Variants in MTHFD2L observed in about 807,000 individuals in gnomAD.
MTHFD2L encodes methylenetetrahydrofolate dehydrogenase (NADP+ dependent) 2 like.
Under a neutral mutation model 34.9 loss-of-function variants are expected in MTHFD2L, and 29 were observed. The observed-to-expected ratio is 0.83, with a 90% CI of 0.62 to 1.13. The LOEUF (loss-of-function observed/expected upper bound fraction) is 1.13, where lower values mean the gene tolerates loss of function less well. Ranked by LOEUF, MTHFD2L falls within the 50% of genes most tolerant of loss-of-function variation. The pLI is 0.00. For missense variants in MTHFD2L, 481 were observed against 446.5 expected (o/e 1.08, Z -0.70); for synonymous variants, 167 against 155.7 (o/e 1.07, Z -0.54).
chr4:74,292,630 A>G (rs1054356333), intron 7 of MTHFD2L, among the ~76,000 whole-genome samples: 5 of 152,132 alleles, frequency 3.3e-5, no homozygotes, highest in South Asian at 4.1e-4. Flanking sequence ...ATGATCTTGT[A>G]TTTTTAAAGA....
At chr4:74,206,227 G>C (rs1023126591) in intron 5 of MTHFD2L, among the ~76,000 whole-genome samples, 1 of 152,122 alleles carries the variant, frequency 6.6e-6, no homozygotes, top group Non-Finnish European at 1.5e-5. Context: ...GGTTTAAAAA[G>C]GGAAAACTTG....
chr4:74,161,231 C>T (rs558499172), intron 1 of MTHFD2L: 1 of 152,270 alleles, frequency 6.6e-6, no homozygotes, highest in Admixed American at 6.5e-5. Context: ...TAAGTATTCA[C>T]GTCTTTTACC....
chr4:74,182,433 T>C (rs1287588424), intron 3 of MTHFD2L, among the ~76,000 whole-genome samples: 1 of 152,218 alleles, frequency 6.6e-6, no homozygotes, highest in African/African-American at 2.4e-5. Context: ...ATAGTATCTA[T>C]TGTATACAGG....
intron 1 of MTHFD2L, among the ~76,000 whole-genome samples, chr4:74,150,121 C>T (rs1205086028): frequency 2.0e-5 from 3 of 152,106 alleles, no homozygotes; most frequent in African/African-American, 7.2e-5. Flanking sequence ...AGGTTGTCTA[C>T]AGAACACGCA....
intron 3 of MTHFD2L, among the ~76,000 whole-genome samples, chr4:74,177,925 A>C (rs1233240552): frequency 2.6e-5 from 4 of 152,034 alleles, no homozygotes; most frequent in Non-Finnish European, 5.9e-5. Context: ...TCAACTTTTT[A>C]AAAGAATGAA....
At chr4:74,166,796 G>C (rs1161071527) in intron 1 of MTHFD2L, among the ~76,000 whole-genome samples, 2 of 152,188 alleles carry the variant, frequency 1.3e-5, no homozygotes. Context: ...GACCCACACT[G>C]TAAGCCTGCC....
At chr4:74,115,680 G>A (rs1721645070) in intron 2 of MTHFD2L, among the ~76,000 whole-genome samples, 1 of 152,172 alleles carries the variant, frequency 6.6e-6, no homozygotes, top group Non-Finnish European at 1.5e-5. Flanking sequence ...CTCCTTTAAT[G>A]GCATTGCCCT....
At chr4:74,292,600 G>C (rs142685225) in intron 7 of MTHFD2L, among the ~76,000 whole-genome samples, 30 of 152,220 alleles carry the variant, frequency 2.0e-4, no homozygotes, top group South Asian at 1.2e-3. Flanking sequence ...AAGGATTGGA[G>C]ACAATGACAA....
intron 3 of MTHFD2L, among the ~76,000 whole-genome samples, chr4:74,193,332 G>A (rs1732900026): frequency 6.6e-6 from 1 of 152,140 alleles, no homozygotes; most frequent in Admixed American, 6.5e-5. Flanking sequence ...TCTTATGCCT[G>A]TATCACACTG....
intron 1 of MTHFD2L, among the ~76,000 whole-genome samples, chr4:74,138,631 A>C (rs1252275040): frequency 2.0e-5 from 3 of 152,128 alleles, no homozygotes. Context: ...CGCAGCAGAC[A>C]CCCTGCTGGA....
chr4:74,187,599 A>G (rs1731538868), intron 3 of MTHFD2L, among the ~76,000 whole-genome samples: 1 of 152,220 alleles, frequency 6.6e-6, no homozygotes, highest in East Asian at 1.9e-4. Context: ...TGAAATTAAA[A>G]TATCAACTGA....
chr4:74,231,058 T>C (rs192918046), intron 6 of MTHFD2L, among the ~76,000 whole-genome samples: 1 of 152,174 alleles, frequency 6.6e-6, no homozygotes, highest in Non-Finnish European at 1.5e-5. Context: ...CCTTCCAGCA[T>C]GACGAATGAA....
At chr4:74,235,128 T>C (rs958544338) in intron 6 of MTHFD2L, among the ~76,000 whole-genome samples, 2 of 152,106 alleles carry the variant, frequency 1.3e-5, no homozygotes, top group African/African-American at 4.8e-5. Flanking sequence ...TCATAATAAA[T>C]TAAGAAATTT....
chr4:74,163,090 T>C (rs1725812921), intron 1 of MTHFD2L, among the ~76,000 whole-genome samples: 1 of 151,840 alleles, frequency 6.6e-6, no homozygotes, highest in Admixed American at 6.6e-5. Context: ...TTTTTTTCCA[T>C]TGTTAGTGTT....
At chr4:74,210,209 C>T (rs1020018251) in intron 5 of MTHFD2L, among the ~76,000 whole-genome samples, 1 of 152,080 alleles carries the variant, frequency 6.6e-6, no homozygotes, top group Non-Finnish European at 1.5e-5. Flanking sequence ...TCCCATTTAT[C>T]AATTTTGGCT....
At chr4:74,280,649 C>T (rs1417195787) in intron 6 of MTHFD2L, among the ~76,000 whole-genome samples, 1 of 150,196 alleles carries the variant, frequency 6.7e-6, no homozygotes, top group Admixed American at 6.7e-5. Flanking sequence ...TTTTAAAAAA[C>T]TGGAACATTA....
At chr4:74,181,220 T>C (rs906677475) in intron 3 of MTHFD2L, among the ~76,000 whole-genome samples, 2 of 152,190 alleles carry the variant, frequency 1.3e-5, no homozygotes, top group Non-Finnish European at 2.9e-5. Context: ...TGAAAACATT[T>C]AGATCTAAGG....
At chr4:74,271,471 T>A (rs1462036017) in intron 6 of MTHFD2L, among the ~76,000 whole-genome samples, 1 of 152,220 alleles carries the variant, frequency 6.6e-6, no homozygotes. Context: ...GTCAAAGATC[T>A]GATGGTTGTA....
At chr4:74,285,996 A>G (rs1053764836) in intron 7 of MTHFD2L, among the ~76,000 whole-genome samples, 7 of 152,136 alleles carry the variant, frequency 4.6e-5, no homozygotes, top group Non-Finnish European at 1.0e-4. Context: ...TTTCCTCAAC[A>G]TACATTGAAG....
Sources: gnomAD v4.1 joint callset for allele counts (sites outside exome capture counted in the v4.1 genomes callset) on GRCh38, gnomAD v4.1.1 for gene constraint, MANE v1.5 for transcripts, NCBI Gene and HGNC (gene_info 2026-07-23, HGNC 2026-07-21) for gene names.